Variants in PMEPA1 observed in about 807,000 individuals in gnomAD.
PMEPA1 encodes prostate transmembrane protein, androgen induced 1, also known as protein TMEPAI.
A neutral mutation model predicts 23.0 loss-of-function variants in PMEPA1; 11 were observed. That is an observed-to-expected ratio of 0.48 (90% CI 0.30 to 0.79). PMEPA1 has a LOEUF of 0.79. PMEPA1 is among the 30% of genes least tolerant of loss of function. The probability of loss-of-function intolerance (pLI) is 0.06; values close to 1 mark genes in which losing one functional copy is unlikely to be tolerated. For missense variants in PMEPA1, 377 were observed against 390.9 expected (o/e 0.96, Z 0.30); for synonymous variants, 204 against 166.4 (o/e 1.23, Z -1.74).
chr20:57,701,634 C>T (rs1257079947), intron 1 of PMEPA1, among the ~76,000 whole-genome samples: 1 of 152,132 alleles, frequency 6.6e-6, no homozygotes, highest in Non-Finnish European at 1.5e-5. Context: ...TTAAAAATCA[C>T]ATTTTGTACC....
chr20:57,684,776 T>C (rs2071778520), intron 1 of PMEPA1, among the ~76,000 whole-genome samples: 1 of 151,254 alleles, frequency 6.6e-6, no homozygotes, highest in Admixed American at 6.6e-5. Flanking sequence ...TGTCTAGGCA[T>C]GTAGGCATGC....
chr20:57,700,150 T>C (rs1261087842), intron 1 of PMEPA1: 2 of 471,652 alleles, frequency 4.2e-6, no homozygotes, highest in South Asian at 1.5e-5. Context: ...CCACTCCTGA[T>C]GCTGATGCGA....
chr20:57,693,547 C>A (rs2071909675), intron 1 of PMEPA1, among the ~76,000 whole-genome samples: 1 of 152,210 alleles, frequency 6.6e-6, no homozygotes, highest in South Asian at 2.1e-4. Flanking sequence ...AACTGCAAGG[C>A]CTGGGGCTGG....
intron 1 of PMEPA1, among the ~76,000 whole-genome samples, chr20:57,660,775 C>A (rs2071406669): frequency 5.3e-5 from 8 of 151,310 alleles, no homozygotes; most frequent in Middle Eastern, 3.5e-3. Context: ...ACACACAACA[C>A]CCCAACACTC....
chr20:57,699,185 C>A (rs2071979621), intron 1 of PMEPA1, among the ~76,000 whole-genome samples: 1 of 152,080 alleles, frequency 6.6e-6, no homozygotes, highest in Non-Finnish European at 1.5e-5. Flanking sequence ...TGGGTGTTGC[C>A]CACATCAAGG....
chr20:57,695,061 C>T (rs1369854425), intron 1 of PMEPA1, among the ~76,000 whole-genome samples: 1 of 152,240 alleles, frequency 6.6e-6, no homozygotes, highest in African/African-American at 2.4e-5. Flanking sequence ...ATGCCCCAAG[C>T]CCAGGACACG....
rs960411775 is a variant in PMEPA1 at position 57,683,064 on chromosome 20, G to A, written c.110-23367C>T. ...GACCTTTTTCAATGTCATCTCTCACGCCGCAGTCTCCGGGGGCATTTACGC... is the reference window on the plus strand; with the variant it reads ...GACCTTTTTCAATGTCATCTCTCACACCGCAGTCTCCGGGGGCATTTACGC... On this transcript the variant is annotated intron_variant, in intron 1 of 3. Coordinates refer to ENST00000341744, the MANE Select transcript of PMEPA1 (RefSeq NM_020182.5). The surrounding 1 kb of genome is among the most constrained non-coding windows in gnomAD (Gnocchi z 4.3). 7.2e-5 allele frequency among the ~76,000 whole-genome samples: 11 copies of A among 152,162 alleles called. No individual in the cohort carries two copies. The East Asian group carries it at 9.6e-4, about 13-fold the overall frequency.
In PMEPA1 at chr20:57,679,934, A is replaced by G. The variant is rs1034282302; in HGVS notation, c.110-20237T>C. 2.4e-4 allele frequency among the ~76,000 whole-genome samples: 37 copies of G among 152,322 alleles called. 1 individual carries two copies. The highest frequency in any genetic ancestry group is 1.9e-3 in the Admixed American group (29 of 15,312). On this transcript the variant is annotated intron_variant, in intron 1 of 3. Transcript: ENST00000341744. ...CCCAGAGACACAGAGCAACCGTGCAAAGCTGGCTAGAGCCAGAGCCTGCGC... is the reference window on the plus strand; with the variant it reads ...CCCAGAGACACAGAGCAACCGTGCAGAGCTGGCTAGAGCCAGAGCCTGCGC...
intron 1 of PMEPA1, among the ~76,000 whole-genome samples, chr20:57,667,440 G>A (rs1290073272): frequency 6.6e-6 from 1 of 152,136 alleles, no homozygotes; most frequent in African/African-American, 2.4e-5. Flanking sequence ...AAATAACGGG[G>A]GCAACAATGG....
chr20:57,664,551 T>C (rs1423468093), intron 1 of PMEPA1, among the ~76,000 whole-genome samples: 1 of 149,728 alleles, frequency 6.7e-6, no homozygotes, highest in East Asian at 1.9e-4. Flanking sequence ...GCTCGCAGAA[T>C]CCTCTTCGTG....
At chr20:57,663,279 G>A (rs987469299) in intron 1 of PMEPA1, among the ~76,000 whole-genome samples, 5 of 152,214 alleles carry the variant, frequency 3.3e-5, no homozygotes, top group African/African-American at 4.8e-5. Context: ...AAGGGTTGCC[G>A]AGACTACGGC....
chr20:57,709,949 T>A lies in PMEPA1; in HGVS notation c.-367A>T. 1 of 1,009,964 alleles carries A rather than the reference T, an allele frequency of 9.9e-7. No homozygotes were observed. Among genetic ancestry groups the A allele is most frequent in the Non-Finnish European group, 1.2e-6 (1 of 849,426 alleles). 62.6% of individuals were successfully genotyped at this position (1,009,964 alleles called of 1,614,324 possible). On this transcript the variant is annotated 5_prime_UTR_variant, in exon 1 of 4. Coordinates refer to ENST00000341744, the MANE Select transcript of PMEPA1 (RefSeq NM_020182.5). Reference sequence around the variant, plus strand: ...CGCCGCCGCCGCCGCCTCCTCCTCCTCATTCAAGTCCAAGGAGATCGGGTT... The same window carrying A: ...CGCCGCCGCCGCCGCCTCCTCCTCCACATTCAAGTCCAAGGAGATCGGGTT...
At chr20:57,709,436 G>A in intron 1 of PMEPA1, 38 bp downstream of exon 1, 2 of 1,079,130 alleles carry the variant, frequency 1.9e-6, no homozygotes, top group Non-Finnish European at 2.3e-6. Context: ...GTCCGAGCCC[G>A]ATGGAGTCTC....
chr20:57,663,860 G>A (rs1027227284), intron 1 of PMEPA1, among the ~76,000 whole-genome samples: 2 of 152,192 alleles, frequency 1.3e-5, no homozygotes, highest in Non-Finnish European at 2.9e-5. Context: ...AGGAGGCCCC[G>A]AAATCTCCAT....
Position 57,652,718 on chromosome 20 carries a change from A to G in PMEPA1, c.319-120T>C, listed in dbSNP as rs6015051. 44,451 of 964,008 alleles carry G rather than the reference A, an allele frequency of 0.046. 2,413 individuals carry two copies. The highest frequency in any genetic ancestry group is 0.24 in the African/African-American group (14,409 of 60,338). The allele number at this position is 964,008 out of a possible 1,614,324, so 59.7% of individuals were successfully genotyped here. Reference sequence around the variant, plus strand: ...GGCTCTCTGGGGAAAGGGAGAGGGCAGCAGGGCTGGCGGGGGCGGGAGCCC... The same window carrying G: ...GGCTCTCTGGGGAAAGGGAGAGGGCGGCAGGGCTGGCGGGGGCGGGAGCCC... On this transcript the variant is annotated intron_variant, in intron 3 of 3. Coordinates refer to ENST00000341744, the MANE Select transcript of PMEPA1 (RefSeq NM_020182.5). This position sits in a 1 kb window ranked among gnomAD's most constrained non-coding sequence, Gnocchi z 6.1.
intron 1 of PMEPA1, among the ~76,000 whole-genome samples, chr20:57,679,220 C>A (rs552271403): frequency 6.6e-6 from 1 of 152,316 alleles, no homozygotes; most frequent in South Asian, 2.1e-4. Context: ...AAAAACACTC[C>A]TGGCCAAACA....
rs1434590752 is a variant in PMEPA1, at chr20:57,683,560, T to TGCGTGTGTGTGTGC, written c.110-23864_110-23863insGCACACACACACGC. On this transcript the variant is annotated intron_variant, in intron 1 of 3. Coordinates refer to ENST00000341744, the MANE Select transcript of PMEPA1 (RefSeq NM_020182.5). The surrounding 1 kb of genome is among the most constrained non-coding windows in gnomAD (Gnocchi z 4.3). The stretch of plus-strand genomic sequence containing the variant: ...TGGTGTTCTGGCCTGTGTGCGTGTG[T>TGCGTGTGTGTGTGC]GTGTGTGTGTGTGTGTGTGTGTGTT... Among the ~76,000 whole-genome samples the TGCGTGTGTGTGTGC allele has an allele frequency of 1.0e-5, 1 of 95,590 alleles. No homozygotes were observed. The highest frequency in any genetic ancestry group is 2.9e-5 in the African/African-American group (1 of 33,954). 62.7% of individuals were successfully genotyped at this position (95,590 alleles called of 152,430 possible).
chr20:57,682,438 G>A lies in PMEPA1; in HGVS notation c.110-22741C>T, dbSNP rs572609668. Reference sequence around the variant, plus strand: ...TAAGCACAAAGTCACTGGTAACTAGGGGCCCAGGTTCTGGGTCTCCCTGGA... The same window carrying A: ...TAAGCACAAAGTCACTGGTAACTAGAGGCCCAGGTTCTGGGTCTCCCTGGA... On this transcript the variant is annotated intron_variant, in intron 1 of 3. Coordinates refer to ENST00000341744, the MANE Select transcript of PMEPA1 (RefSeq NM_020182.5). The surrounding 1 kb of genome is among the most constrained non-coding windows in gnomAD (Gnocchi z 4.4). Among the ~76,000 whole-genome samples, 20 of 152,272 alleles carry A rather than the reference G, an allele frequency of 1.3e-4. No homozygotes were observed. Among genetic ancestry groups the A allele is most frequent in the African/African-American group, 4.8e-4 (20 of 41,554 alleles).
In PMEPA1 at chr20:57,649,587, G is replaced by A. The variant is rs919840074; in HGVS notation, c.*2466C>T. Reference sequence around the variant, plus strand: ...AACAGTTTGGCTCAAGAGGATATGAGGACTGTCTCAGCCTGGCTTTGGGCT... The same window carrying A: ...AACAGTTTGGCTCAAGAGGATATGAAGACTGTCTCAGCCTGGCTTTGGGCT... On this transcript the variant is annotated 3_prime_UTR_variant, in exon 4 of 4. Transcript: ENST00000341744. The A allele has an allele frequency of 2.6e-5, 4 of 152,210 alleles. No individual in the cohort carries two copies. Among genetic ancestry groups the A allele is most frequent in the Admixed American group, 2.6e-4 (4 of 15,274 alleles). The allele number at this position is 152,210 out of a possible 1,614,324, so 9.4% of individuals were successfully genotyped here. A position where few individuals can be genotyped will look rare whatever the true frequency, so the allele number is the denominator to read the frequency against.
Sources: allele counts gnomAD v4.1 joint callset (sites outside exome capture counted in the v4.1 genomes callset), GRCh38; gene constraint gnomAD v4.1.1; non-coding constraint Gnocchi (gnomAD v3.1); transcripts MANE v1.5; gene names NCBI Gene and HGNC (gene_info 2026-07-23, HGNC 2026-07-21).